NIN: variants seen among roughly 807,000 people sequenced by gnomAD.
NIN encodes glycogen synthase kinase 3 beta-interacting protein.
NIN carries 137 observed loss-of-function variants against 257.6 expected under a neutral mutation model. The observed-to-expected ratio is 0.53, with a 90% CI of 0.46 to 0.61. NIN has a LOEUF of 0.61. NIN is among the 20% of genes least tolerant of loss of function. NIN has a pLI of 0.00. For synonymous variants in NIN, 918 were observed against 919.8 expected (o/e 1.00, Z 0.04); for missense variants, 2,439 against 2,501.2 (o/e 0.98, Z 0.53).
At chr14:50,776,132 C>T (rs1025365387) in intron 7 of NIN, among the ~76,000 whole-genome samples, 1 of 152,128 alleles carries the variant, frequency 6.6e-6, no homozygotes, top group Non-Finnish European at 1.5e-5. Context: ...ATTCCCAAAG[C>T]GACAACTGTA....
chr14:50,737,640 GTTGTTGT>G (rs1312300858), intron 27 of NIN, among the ~76,000 whole-genome samples: 1 of 128,754 alleles, frequency 7.8e-6, no homozygotes, highest in East Asian at 2.1e-4. Flanking sequence ...GTGGTTTTTT[GTTGTTGT>G]TTTTTTTTTT....
intron 2 of NIN, among the ~76,000 whole-genome samples, chr14:50,829,489 G>A (rs1355971942): frequency 2.0e-5 from 3 of 152,216 alleles, no homozygotes; most frequent in Non-Finnish European, 4.4e-5. Flanking sequence ...CTTCCCTCAT[G>A]TGTCAGGATG....
At position 50,743,506 on chromosome 14, in the gene NIN, C is replaced by A. The variant is rs759575264; in HGVS notation, c.5211G>T (p.Glu1737Asp). ...CCTGCTTCATCGTCGCAATTCTATGCTCTAAAAGACTTGATTTTGCCAACT... is the reference window on the plus strand; with the variant it reads ...CCTGCTTCATCGTCGCAATTCTATGATCTAAAAGACTTGATTTTGCCAACT... ...VDKLAKSSLL[E>D]HRIATMKQEQ... The change falls in exon 24 of 31, where the codon GAG becomes GAT. Residue 1737 changes from glutamate (E) to aspartate (D), a missense_variant. Transcript: ENST00000530997. The A allele has an allele frequency of 6.2e-7, 1 of 1,613,256 alleles. No individual in the cohort carries two copies. Among genetic ancestry groups the A allele is most frequent in the South Asian group, 1.1e-5 (1 of 91,066 alleles).
chr14:50,757,612 T>G lies in NIN; in HGVS notation c.3418A>C (p.Arg1140=). The G allele has an allele frequency of 6.2e-7, 1 of 1,614,196 alleles. No homozygotes were observed. Among genetic ancestry groups the G allele is most frequent in the Non-Finnish European group, 8.5e-7 (1 of 1,180,038 alleles). The part of the protein sequence containing the change: ...NRTKQVEGVT[R]RHVLSDLEDD... ...TCCAGGTCACTTAGGACATGCCGCCTGGTCACACCTTCTACTTGCTTCGTT... is the reference window on the plus strand; with the variant it reads ...TCCAGGTCACTTAGGACATGCCGCCGGGTCACACCTTCTACTTGCTTCGTT... The change falls in exon 18 of 31, where the codon AGG becomes CGG. Residue 1140 remains arginine (R), a synonymous_variant. Transcript: ENST00000530997.
intron 13 of NIN, 51 bp from the exon 14 acceptor site, chr14:50,766,447 G>A (rs1447416270): frequency 2.6e-6 from 4 of 1,524,880 alleles, no homozygotes; most frequent in South Asian, 1.1e-5. Flanking sequence ...GCCCTTCTTT[G>A]ACCCAACACA....
At chr14:50,793,621 G>A (rs2043699102) in intron 4 of NIN, among the ~76,000 whole-genome samples, 5 of 152,156 alleles carry the variant, frequency 3.3e-5, no homozygotes, top group Admixed American at 3.3e-4. Flanking sequence ...GTCATCTCTT[G>A]ATCTTAAAGA....
In NIN at chr14:50,758,508, C is replaced by A. The variant is rs1401772943; in HGVS notation, c.2522G>T (p.Arg841Leu). 6.2e-7 allele frequency: 1 copy of A among 1,614,088 alleles called. No homozygotes were observed. The highest frequency in any genetic ancestry group is 8.5e-7 in the Non-Finnish European group (1 of 1,180,042). ...TTCCTGGAGGTCCTTCAGCTCTTGG[C>A]GGTAGCGCCCCTCCAGGCTTTGCAG... is the stretch of plus-strand genomic sequence containing the variant. ...SALQSLEGRYRQELKDLQEQQ... is the reference protein window; with the variant it reads ...SALQSLEGRYLQELKDLQEQQ... Residue 841 changes from arginine to leucine, a missense_variant, in exon 18 of 31, where the codon CGC (arginine) becomes CTC (leucine). Arg to Leu is a moderately radical substitution (Grantham distance 102). Around this residue, in one of 3 missense-constraint regions of NIN, gnomAD observed 2,043 missense variants for 2,050.2 expected, o/e 1.00. Coordinates refer to ENST00000530997, the MANE Select transcript of NIN (RefSeq NM_020921.4).
At chr14:50,794,708 G>A (rs2043757058) in intron 4 of NIN, among the ~76,000 whole-genome samples, 2 of 151,640 alleles carry the variant, frequency 1.3e-5, no homozygotes, top group Admixed American at 1.3e-4. Flanking sequence ...GTTGTGTCCT[G>A]GGGATGGAAG....
At position 50,788,035 on chromosome 14, in the gene NIN, TA is replaced by T. The variant is rs373060230; in HGVS notation, c.435+4676del. ...ATAAAGGAAAAGACTGGAATTCTGT[TA>T]AAAAAAAAAGTCTATCCTGAAGACA... is the stretch of plus-strand genomic sequence containing the variant. On this transcript the variant is annotated intron_variant, in intron 5 of 30. Coordinates refer to ENST00000530997, the MANE Select transcript of NIN (RefSeq NM_020921.4). Among the ~76,000 whole-genome samples, 653 of 148,580 alleles carry T rather than the reference TA, an allele frequency of 4.4e-3. 3 individuals are homozygous for T. The highest frequency in any genetic ancestry group is 0.015 in the African/African-American group (593 of 40,516).
chr14:50,741,316 T>A (rs1288880357), intron 25 of NIN, among the ~76,000 whole-genome samples: 2 of 152,142 alleles, frequency 1.3e-5, no homozygotes, highest in East Asian at 3.8e-4. Context: ...TATATGAAAT[T>A]TAGAAAAAAG....
At chr14:50,728,475 A>G (rs1217823049) in intron 29 of NIN, among the ~76,000 whole-genome samples, 1 of 152,242 alleles carries the variant, frequency 6.6e-6, no homozygotes, top group Non-Finnish European at 1.5e-5. Context: ...GTAATTAAAC[A>G]TAGATGGATA....
intron 3 of NIN, among the ~76,000 whole-genome samples, chr14:50,807,890 C>T (rs570993807): frequency 1.3e-5 from 2 of 152,186 alleles, no homozygotes; most frequent in South Asian, 4.1e-4. Context: ...ATTTACCACA[C>T]TCTTCCAAAG....
intron 2 of NIN, among the ~76,000 whole-genome samples, chr14:50,830,096 C>G (rs187845148): frequency 1.3e-5 from 2 of 152,368 alleles, no homozygotes; most frequent in East Asian, 3.9e-4. Flanking sequence ...AGGCTAACAC[C>G]TCGGATTTCC....
intron 20 of NIN, among the ~76,000 whole-genome samples, chr14:50,754,290 A>G (rs564589714): frequency 3.0e-4 from 46 of 152,308 alleles, no homozygotes; most frequent in African/African-American, 1.1e-3. Flanking sequence ...TTTCGTAGGT[A>G]TGGTTTTAGA....
At chr14:50,775,142 G>C (rs773756899) in intron 7 of NIN, among the ~76,000 whole-genome samples, 2 of 152,184 alleles carry the variant, frequency 1.3e-5, no homozygotes, top group African/African-American at 2.4e-5. Context: ...AAAGGGGCTG[G>C]CTGCATCTTA....
chr14:50,738,106 C>A (rs1169213650), intron 27 of NIN, 34 bp downstream of exon 27: 1 of 1,608,190 alleles, frequency 6.2e-7, no homozygotes, highest in African/African-American at 1.3e-5. Context: ...ATAGTGAGAA[C>A]ACAGATGTAC....
At position 50,757,787 on chromosome 14, in the gene NIN, A is replaced by G. The variant is rs753041914; in HGVS notation, c.3243T>C (p.Asn1081=). Residue 1081 remains asparagine (N), a synonymous_variant, in exon 18 of 31, where the codon AAT becomes AAC. Transcript: ENST00000530997. ...TAGAAATTTCAGTAGCCATTTTCAC[A>G]TTTTCCTTCACTGCCTGTTCATGAG... ...QRAHEQAVKE[N]VKMATEISRL... 3.7e-6 allele frequency: 6 copies of G among 1,613,910 alleles called. No homozygotes were observed. Among genetic ancestry groups the G allele is most frequent in the Middle Eastern group, 1.6e-4 (1 of 6,062 alleles).
rs929766862 is a variant in NIN at position 50,767,611 on chromosome 14, A to T, written c.1435-721T>A. 3.9e-5 allele frequency among the ~76,000 whole-genome samples: 6 copies of T among 152,252 alleles called. 1 individual carries two copies. The highest frequency in any genetic ancestry group is 1.4e-4 in the African/African-American group (6 of 41,544). On this transcript the variant is annotated intron_variant, in intron 12 of 30. Coordinates refer to ENST00000530997, the MANE Select transcript of NIN (RefSeq NM_020921.4). ...GGTGGGCGGATCATGAGGTCAGGAGATCGAGACCATCCTGGCGAACACGGT... is the reference window on the plus strand; with the variant it reads ...GGTGGGCGGATCATGAGGTCAGGAGTTCGAGACCATCCTGGCGAACACGGT...
intron 13 of NIN, 28 bp from the exon 14 acceptor site, chr14:50,766,424 AT>A: frequency 6.2e-7 from 1 of 1,606,628 alleles, no homozygotes; most frequent in Non-Finnish European, 8.5e-7. Flanking sequence ...CAAAGCTGTC[AT>A]TTTTCCCGAG....
Sources: gnomAD v4.1 joint callset for allele counts (sites outside exome capture counted in the v4.1 genomes callset) on GRCh38, gnomAD v4.1.1 for gene constraint, gnomAD v4.1.1 regional missense constraint, MANE v1.5 for transcripts, NCBI Gene and HGNC (gene_info 2026-07-23, HGNC 2026-07-21) for gene names.